The following LINGO2 variants were observed in gnomAD, a reference collection of about 807,000 sequenced individuals.
LINGO2 encodes the protein leucine rich repeat and Ig domain containing 2, also known as leucine-rich repeat and immunoglobulin-like domain-containing nogo receptor-interacting protein 2.
In LINGO2, 14 loss-of-function variants were observed where a neutral mutation model predicts 30.6. That is an observed-to-expected ratio of 0.46 (90% CI 0.30 to 0.72). The LOEUF is 0.72. Ranked by LOEUF, LINGO2 falls within the 30% of genes least tolerant of loss-of-function variation. The probability of loss-of-function intolerance (pLI) is 0.07; values close to 1 mark genes in which losing one functional copy is unlikely to be tolerated. For missense variants in LINGO2, 729 were observed against 751.7 expected (o/e 0.97, Z 0.35); for synonymous variants, 317 against 288.5 (o/e 1.10, Z -1.00).
At chr9:28,002,854 C>T (rs964304522) in intron 5 of LINGO2, among the ~76,000 whole-genome samples, 33 of 151,988 alleles carry the variant, frequency 2.2e-4, no homozygotes, top group African/African-American at 7.2e-4. Context: ...ATGTTAGCTG[C>T]GTTGGTGTGT....
chr9:28,173,438 G>T (rs1218459648), intron 4 of LINGO2, among the ~76,000 whole-genome samples: 1 of 152,086 alleles, frequency 6.6e-6, no homozygotes, highest in Non-Finnish European at 1.5e-5. Flanking sequence ...AAAATTCAAA[G>T]AATAAAACTC....
intron 3 of LINGO2, among the ~76,000 whole-genome samples, chr9:28,365,048 C>A (rs1325425325): frequency 1.3e-5 from 2 of 152,252 alleles, no homozygotes; most frequent in East Asian, 3.9e-4. Flanking sequence ...ATGTTAAGTG[C>A]TATAATAGAC....
intron 2 of LINGO2, among the ~76,000 whole-genome samples, chr9:28,407,753 C>T (rs1272532108): frequency 2.0e-5 from 3 of 152,232 alleles, no homozygotes; most frequent in Admixed American, 6.5e-5. Flanking sequence ...CAACTGTTAA[C>T]CTTTTCCTTA....
At chr9:28,123,064 C>T (rs1330464562) in intron 4 of LINGO2, among the ~76,000 whole-genome samples, 3 of 152,074 alleles carry the variant, frequency 2.0e-5, no homozygotes, top group African/African-American at 4.8e-5. Context: ...AGTTATGTGT[C>T]AACATTTTCT....
intron 5 of LINGO2, among the ~76,000 whole-genome samples, chr9:27,970,575 A>G (rs1267296604): frequency 6.6e-6 from 1 of 152,128 alleles, no homozygotes; most frequent in Admixed American, 6.6e-5. Context: ...CTGAGTAAAC[A>G]TTGATTTTTG....
intron 4 of LINGO2, among the ~76,000 whole-genome samples, chr9:28,203,950 G>T (rs13286196): frequency 0.11 from 16,106 of 152,168 alleles, 915 homozygotes; most frequent in Middle Eastern, 0.15. Flanking sequence ...GTTCCTCAGA[G>T]CCTTTCCTAT....
At chr9:28,055,806 A>G (rs1317688883) in intron 4 of LINGO2, among the ~76,000 whole-genome samples, 2 of 152,160 alleles carry the variant, frequency 1.3e-5, no homozygotes, top group Non-Finnish European at 2.9e-5. Context: ...GCCTATGGAT[A>G]TAGTTTTATC....
chr9:28,202,100 G>C (rs1347569974), intron 4 of LINGO2, among the ~76,000 whole-genome samples: 2 of 152,006 alleles, frequency 1.3e-5, no homozygotes, highest in African/African-American at 4.8e-5. Flanking sequence ...GCATTTACCT[G>C]TGTCCAAATT....
chr9:29,081,430 C>T, the LINGO2 span, among the ~76,000 whole-genome samples: 1 of 152,044 alleles, frequency 6.6e-6, no homozygotes, highest in East Asian at 1.9e-4. Flanking sequence ...TGGGATGTAT[C>T]TCAAAATAAT....
intron 5 of LINGO2, among the ~76,000 whole-genome samples, chr9:28,000,777 C>A (rs538210357): frequency 2.0e-4 from 31 of 152,240 alleles, no homozygotes; most frequent in East Asian, 3.9e-4. Context: ...AAAAAAACTG[C>A]CATATATTCT....
At chr9:28,017,217 A>T (rs1015652383) in intron 4 of LINGO2, among the ~76,000 whole-genome samples, 7 of 152,196 alleles carry the variant, frequency 4.6e-5, no homozygotes, top group African/African-American at 1.7e-4. Context: ...ATCTATGACA[A>T]ACCCACAGCC....
chr9:29,013,442 A>G, the LINGO2 span, among the ~76,000 whole-genome samples: 20 of 152,210 alleles, frequency 1.3e-4, no homozygotes, highest in African/African-American at 4.8e-4. Context: ...TAGCTATAAA[A>G]TGATCTAGAT....
intron 3 of LINGO2, among the ~76,000 whole-genome samples, chr9:28,351,227 G>T (rs1819868631): frequency 6.8e-6 from 1 of 147,614 alleles, no homozygotes; most frequent in African/African-American, 2.5e-5. Flanking sequence ...TTTTTGAAAG[G>T]ATCAACAAAA....
chr9:28,219,924 T>C (rs1169435067), intron 4 of LINGO2, among the ~76,000 whole-genome samples: 1 of 152,210 alleles, frequency 6.6e-6, no homozygotes, highest in Non-Finnish European at 1.5e-5. Flanking sequence ...TTCAACCAGC[T>C]ACAGATCATA....
the LINGO2 span, among the ~76,000 whole-genome samples, chr9:29,133,294 G>A: frequency 6.6e-6 from 1 of 152,118 alleles, no homozygotes; most frequent in African/African-American, 2.4e-5. Flanking sequence ...GGTGGGACAG[G>A]GAGGGATTGG....
chr9:28,915,072 C>T, the LINGO2 span, among the ~76,000 whole-genome samples: 2 of 152,076 alleles, frequency 1.3e-5, no homozygotes, highest in East Asian at 3.9e-4. Context: ...GCGGAGGTTG[C>T]AGTAAGCCGA....
intron 4 of LINGO2, among the ~76,000 whole-genome samples, chr9:28,047,577 T>C (rs1027364499): frequency 2.0e-5 from 3 of 150,814 alleles, no homozygotes; most frequent in African/African-American, 7.4e-5. Context: ...TTAACAACCA[T>C]GTGGCCCTAG....
intron 4 of LINGO2, among the ~76,000 whole-genome samples, chr9:28,237,648 T>C (rs933323751): frequency 6.6e-6 from 1 of 151,354 alleles, no homozygotes; most frequent in Non-Finnish European, 1.5e-5. Flanking sequence ...AGATCAGGAG[T>C]TCAAGACCAG....
At chr9:28,302,388 C>A (rs1315908959) in intron 3 of LINGO2, among the ~76,000 whole-genome samples, 1 of 152,200 alleles carries the variant, frequency 6.6e-6, no homozygotes, top group Admixed American at 6.5e-5. Flanking sequence ...AGATATACAA[C>A]CCCTTTTAGG....
Sources: allele counts gnomAD v4.1 joint callset (sites outside exome capture counted in the v4.1 genomes callset), GRCh38; gene constraint gnomAD v4.1.1; transcripts MANE v1.5; gene names NCBI Gene and HGNC (gene_info 2026-07-23, HGNC 2026-07-21).